IREB2: variants seen among roughly 807,000 people sequenced by gnomAD.
IREB2 encodes iron responsive element binding protein 2.
IREB2 carries 39 observed loss-of-function variants against 118.8 expected under a neutral mutation model. The observed-to-expected ratio is 0.33, with a 90% confidence interval of 0.25 to 0.43. The LOEUF is 0.43. Ranked by LOEUF, IREB2 falls within the 20% of genes least tolerant of loss-of-function variation. The pLI is 1.00. For missense variants in IREB2, 900 were observed against 1,147.3 expected, an observed-to-expected ratio of 0.78 and a Z score of 3.11; for synonymous variants, 372 against 392.2, an observed-to-expected ratio of 0.95 and a Z score of 0.61.
intron 2 of IREB2, among the ~76,000 whole-genome samples, chr15:78,442,931 A>G (rs2050867131): frequency 6.6e-6 from 1 of 152,172 alleles, no homozygotes; most frequent in South Asian, 2.1e-4. Context: ...AGCCCTCTCC[A>G]GGGGCTTTTG....
intron 2 of IREB2, among the ~76,000 whole-genome samples, chr15:78,462,372 T>C (rs1567168755): frequency 6.6e-6 from 1 of 152,244 alleles, no homozygotes; most frequent in African/African-American, 2.4e-5. Context: ...TTTTAAAATA[T>C]TGAAATCACT....
rs760485080 is a variant in IREB2, at chr15:78,493,894, AT to A, written c.2325-13del. The A allele has an allele frequency of 3.1e-6, 5 of 1,601,312 alleles. No homozygotes were observed. The highest frequency in any genetic ancestry group is 4.3e-6 in the Non-Finnish European group (5 of 1,174,420). The stretch of plus-strand genomic sequence containing the variant: ...CCACATGTAATGAAAACTGACTTTC[AT>A]TACTTTCTTGTAGCCTTACCCCTCG... On this transcript the variant is annotated splice_polypyrimidine_tract_variant and intron_variant, in intron 18 of 21. Transcript: ENST00000258886.
intron 3 of IREB2, among the ~76,000 whole-genome samples, 178 bp downstream of exon 3, chr15:78,463,265 G>A (rs1219893064): frequency 2.0e-5 from 3 of 152,014 alleles, no homozygotes; most frequent in African/African-American, 7.2e-5. Context: ...ATAGTGAGAC[G>A]CTGTCTGTAC....
At chr15:78,464,821 G>T (rs2051254268) in intron 3 of IREB2, among the ~76,000 whole-genome samples, 1 of 152,142 alleles carries the variant, frequency 6.6e-6, no homozygotes, top group African/African-American at 2.4e-5. Flanking sequence ...GAAGGCATTT[G>T]ATAAATGCTT....
intron 1 of IREB2, among the ~76,000 whole-genome samples, chr15:78,439,079 C>T (rs1328670509): frequency 1.3e-5 from 2 of 152,158 alleles, no homozygotes; most frequent in African/African-American, 4.8e-5. Context: ...CTCAGGGCTG[C>T]CTCCCCGCCA....
chr15:78,461,799 A>C (rs1201392591), intron 2 of IREB2, among the ~76,000 whole-genome samples: 1 of 152,212 alleles, frequency 6.6e-6, no homozygotes, highest in African/African-American at 2.4e-5. Context: ...TTGAAACCAT[A>C]GTAACAAAAA....
At chr15:78,497,005 G>T in intron 20 of IREB2, 121 bp from the exon 21 acceptor site, 1 of 671,476 alleles carries the variant, frequency 1.5e-6, no homozygotes, top group South Asian at 1.9e-5. Flanking sequence ...TATTGATTCA[G>T]TATGAGATAT....
At chr15:78,444,394 A>G (rs948330671) in intron 2 of IREB2, among the ~76,000 whole-genome samples, 2 of 152,142 alleles carry the variant, frequency 1.3e-5, no homozygotes, top group Non-Finnish European at 2.9e-5. Context: ...AGTGAAAGGT[A>G]GTTTTGAGAG....
rs771132404 is a variant in IREB2 at position 78,488,783 on chromosome 15, A to G, written c.2076+12A>G. ...AAGATAAAATAGAAGTAAGAGTCTTATGTGTTTCTTAAATAGTTTAATCAA... is the reference window on the plus strand; with the variant it reads ...AAGATAAAATAGAAGTAAGAGTCTTGTGTGTTTCTTAAATAGTTTAATCAA... On this transcript the variant is annotated intron_variant, in intron 16 of 21. Coordinates refer to ENST00000258886, the MANE Select transcript of IREB2 (RefSeq NM_004136.4). The G allele has an allele frequency of 3.5e-6, 5 of 1,411,926 alleles. No homozygotes were observed. In the African/African-American group the frequency reaches 5.7e-5, roughly 16 times the overall value. The allele number at this position is 1,411,926 out of a possible 1,614,324, so 87.5% of individuals were successfully genotyped here.
At chr15:78,446,753 C>G (rs1194584711) in intron 2 of IREB2, among the ~76,000 whole-genome samples, 1 of 151,962 alleles carries the variant, frequency 6.6e-6, no homozygotes, top group South Asian at 2.1e-4. Flanking sequence ...GGTCATCAGC[C>G]TACCAGGGGA....
chr15:78,493,186 A>G (rs2051780163), intron 18 of IREB2, among the ~76,000 whole-genome samples: 1 of 147,404 alleles, frequency 6.8e-6, no homozygotes, highest in Non-Finnish European at 1.5e-5. Context: ...AAACTATACA[A>G]GTAACTTTAT....
chr15:78,466,136 G>A, intron 4 of IREB2, 135 bp from the exon 5 acceptor site: 1 of 530,886 alleles, frequency 1.9e-6, no homozygotes, highest in Non-Finnish European at 3.3e-6. Flanking sequence ...TTTGAAACCT[G>A]AGTTAAATGA....
intron 11 of IREB2, 94 bp downstream of exon 11, chr15:78,483,528 A>T: frequency 1.4e-6 from 1 of 718,240 alleles, no homozygotes; most frequent in Non-Finnish European, 2.5e-6. Context: ...ATTCACTGCT[A>T]TGTTTTATAT....
At chr15:78,455,065 G>A (rs1050135567) in intron 2 of IREB2, among the ~76,000 whole-genome samples, 5 of 152,038 alleles carry the variant, frequency 3.3e-5, no homozygotes, top group African/African-American at 1.2e-4. Flanking sequence ...CTGCGGGGAC[G>A]GGGTGAAAAA....
chr15:78,442,740 G>A (rs895170357), intron 2 of IREB2, among the ~76,000 whole-genome samples: 2 of 152,172 alleles, frequency 1.3e-5, no homozygotes, highest in African/African-American at 4.8e-5. Flanking sequence ...TCTCCGCAAG[G>A]ATCTAGGCTC....
At chr15:78,457,565 A>G (rs2051126425) in intron 2 of IREB2, among the ~76,000 whole-genome samples, 1 of 152,136 alleles carries the variant, frequency 6.6e-6, no homozygotes, top group African/African-American at 2.4e-5. Flanking sequence ...GCTAGCTTTT[A>G]ACACTCCTCA....
rs570112465 is a variant in IREB2 at position 78,492,395 on chromosome 15, C to G, written c.2325-1514C>G. Among the ~76,000 whole-genome samples the G allele has an allele frequency of 2.3e-4, 18 of 79,864 alleles. No individual in the cohort carries two copies. In the South Asian group the frequency reaches 5.7e-3, roughly 25 times the overall value. 52.4% of individuals were successfully genotyped at this position (79,864 alleles called of 152,430 possible). ...ACCAAGATTACCAAAAATAAAATTA[C>G]AAAGATTACCTGATGGTCACAGACC... On this transcript the variant is annotated intron_variant, in intron 18 of 21. Transcript: ENST00000258886.
Position 78,439,874 on chromosome 15 carries a change from C to T in IREB2, c.99C>T (p.Thr33=), listed in dbSNP as rs962951660. Residue 33 remains threonine, a synonymous_variant, in exon 2 of 22, where the codon ACC becomes ACT. Transcript: ENST00000258886. ...KKFFDVSKLG[T]KYDVLPYSIR... Reference sequence around the variant, plus strand: ...TCTTCGATGTATCTAAACTTGGCACCAAGTATGGTAATGTTGCTTTACATT... The same window carrying T: ...TCTTCGATGTATCTAAACTTGGCACTAAGTATGGTAATGTTGCTTTACATT... 1.3e-6 allele frequency: 2 copies of T among 1,578,832 alleles called. No individual in the cohort carries two copies. Among genetic ancestry groups the T allele is most frequent in the East Asian group, 2.2e-5 (1 of 44,576 alleles).
At chr15:78,438,035 C>A, upstream of IREB2, 1 of 447,874 alleles carries the variant, frequency 2.2e-6, no homozygotes, top group East Asian at 3.6e-5. Context: ...CCCACTGGAG[C>A]CTCCCCAGCG....
Sources: allele counts gnomAD v4.1 joint callset (sites outside exome capture counted in the v4.1 genomes callset), GRCh38; gene constraint gnomAD v4.1.1; transcripts MANE v1.5; gene names NCBI Gene and HGNC (gene_info 2026-07-23, HGNC 2026-07-21).